The following PHLDB3 variants were observed in gnomAD, a reference collection of about 807,000 sequenced individuals.
PHLDB3 encodes pleckstrin homology-like domain family B member 3.
A neutral mutation model predicts 85.7 loss-of-function variants in PHLDB3; 86 were observed. That is an observed-to-expected ratio of 1.00 (90% CI 0.84 to 1.20). PHLDB3 has a LOEUF of 1.20. Among genes scored for constraint, PHLDB3 ranks in the 50% most tolerant of loss-of-function variants. The probability of loss-of-function intolerance (pLI) is 0.00; values close to 1 mark genes in which losing one functional copy is unlikely to be tolerated. For synonymous variants in PHLDB3, 376 were observed against 349.8 expected (o/e 1.07, Z -0.83); for missense variants, 995 against 873.0 (o/e 1.14, Z -1.76).
chr19:43,496,325 A>T (rs1357139897), intron 6 of PHLDB3: 1 of 152,050 alleles, frequency 6.6e-6, no homozygotes, highest in Admixed American at 6.6e-5. Flanking sequence ...GAGCTTTCTA[A>T]TCCAAAACTT....
intron 9 of PHLDB3, among the ~76,000 whole-genome samples, chr19:43,489,345 C>A (rs953366639): frequency 6.8e-6 from 1 of 147,540 alleles, no homozygotes; most frequent in Non-Finnish European, 1.5e-5. Context: ...CCAGCCTGGG[C>A]GACAGTGAGA....
chr19:43,490,285 A>T (rs965168901), intron 9 of PHLDB3, among the ~76,000 whole-genome samples: 3 of 152,088 alleles, frequency 2.0e-5, no homozygotes, highest in Non-Finnish European at 4.4e-5. Flanking sequence ...TGGGCCAGGC[A>T]TGAAGGCTCA....
Position 43,475,479 on chromosome 19 carries a change from C to T in PHLDB3, c.1854G>A (p.Pro618=), listed in dbSNP as rs1272640783. ...TCCAAATGCGCATGGCTTCGGGGCT[C>T]GGAGCCACCATGTAGAAAAGGCGTT... is the stretch of plus-strand genomic sequence containing the variant. ...TYERLFYMVA[P]SPEAMRIWMD... is the part of the protein sequence containing the mutation. Residue 618 remains proline (P), a synonymous_variant, in exon 16 of 16, where the codon CCG becomes CCA. Coordinates refer to ENST00000292140, the MANE Select transcript of PHLDB3 (RefSeq NM_198850.4). The T allele has an allele frequency of 1.2e-6, 2 of 1,613,818 alleles. No homozygotes were observed. Among genetic ancestry groups the T allele is most frequent in the East Asian group, 2.2e-5 (1 of 44,864 alleles).
chr19:43,486,489 G>A (rs1971160603), intron 12 of PHLDB3, 120 bp downstream of exon 12: 3 of 1,330,114 alleles, frequency 2.3e-6, no homozygotes, highest in African/African-American at 1.5e-5. Context: ...GTCTGAGGGT[G>A]GAGGGGCTGG....
Position 43,501,796 on chromosome 19 carries a change from G to T in PHLDB3, c.472C>A (p.Leu158Met), listed in dbSNP as rs773676224. 3.1e-6 allele frequency: 5 copies of T among 1,587,824 alleles called. No individual in the cohort carries two copies. The highest frequency in any genetic ancestry group is 3.4e-6 in the Non-Finnish European group (4 of 1,168,876). The change falls in exon 4 of 16, where the codon CTG becomes ATG. Residue 158 changes from leucine (L) to methionine (M), a missense_variant. Leu to Met is a conservative substitution (Grantham distance 15, BLOSUM62 2). Transcript: ENST00000292140. ...RVAARREEEQ[L>M]RELLEQQAAS... ...GCCTGCTGCTCCAGCAGCTCCCGCAGCTGCTCCTCCTCCCGGCGAGCGGCC... is the reference window on the plus strand; with the variant it reads ...GCCTGCTGCTCCAGCAGCTCCCGCATCTGCTCCTCCTCCCGGCGAGCGGCC...
intron 14 of PHLDB3, among the ~76,000 whole-genome samples, chr19:43,478,962 G>A (rs1599931334): frequency 6.6e-6 from 1 of 152,054 alleles, no homozygotes; most frequent in Non-Finnish European, 1.5e-5. Context: ...TCCAAGGAGA[G>A]GTTTGGAATA....
At position 43,475,531 on chromosome 19, in the gene PHLDB3, C is replaced by T; in HGVS notation, c.1802G>A (p.Arg601His). Residue 601 changes from arginine (R) to histidine (H), a missense_variant, in exon 16 of 16, where the codon CGC becomes CAC. Arg to His is a conservative substitution (Grantham distance 29, BLOSUM62 0). Transcript: ENST00000292140. ...GTAGGTTTTGACGCAGAAGGTCAGGCGGGGGTTGGGGCTCTGGAATAAGCA... is the reference window on the plus strand; with the variant it reads ...GTAGGTTTTGACGCAGAAGGTCAGGTGGGGGTTGGGGCTCTGGAATAAGCA... ...LRCAFKSPNP[R>H]LTFCVKTYER... The T allele has an allele frequency of 6.2e-7, 1 of 1,613,808 alleles. No homozygotes were observed. Among genetic ancestry groups the T allele is most frequent in the Non-Finnish European group, 8.5e-7 (1 of 1,179,824 alleles).
chr19:43,503,477 AT>A (rs905518779), intron 2 of PHLDB3, among the ~76,000 whole-genome samples: 17 of 148,612 alleles, frequency 1.1e-4, no homozygotes, highest in African/African-American at 3.5e-4. Flanking sequence ...CAATTTTTGT[AT>A]TTTTTTTTTC....
At chr19:43,496,827 A>G (rs1482362626) in intron 6 of PHLDB3, 6 of 411,884 alleles carry the variant, frequency 1.5e-5, no homozygotes, top group Non-Finnish European at 2.5e-5. Flanking sequence ...AAACTTGGAA[A>G]AGATTACTTA....
In PHLDB3 at chr19:43,504,031, C is replaced by G. The variant is rs1362475970; in HGVS notation, c.88G>C (p.Glu30Gln). 1.2e-6 allele frequency: 2 copies of G among 1,613,906 alleles called. No homozygotes were observed. Among genetic ancestry groups the G allele is most frequent in the Non-Finnish European group, 1.7e-6 (2 of 1,179,798 alleles). Residue 30 changes from glutamate (E) to glutamine (Q), a missense_variant, in exon 2 of 16, where the codon GAG becomes CAG. Physicochemically the swap from Glu to Gln is conservative, Grantham distance 29. Transcript: ENST00000292140. Reference sequence around the variant, plus strand: ...GATGCCTCCTGTTCCCGGGACTCCTCGGGATGGCCCTGGGGCTGGACCTCC... The same window carrying G: ...GATGCCTCCTGTTCCCGGGACTCCTGGGGATGGCCCTGGGGCTGGACCTCC... ...DVEVQPQGHP[E>Q]ESREQEASEV...
intron 1 of PHLDB3, 61 bp from the exon 2 acceptor site, chr19:43,504,193 C>A: frequency 4.9e-6 from 7 of 1,434,378 alleles, no homozygotes; most frequent in Non-Finnish European, 6.5e-6. Flanking sequence ...GAGCGCCGCT[C>A]GCGTCTGCTC....
At chr19:43,500,483 T>C (rs1971562069) in intron 4 of PHLDB3, among the ~76,000 whole-genome samples, 1 of 151,924 alleles carries the variant, frequency 6.6e-6, no homozygotes, top group Admixed American at 6.6e-5. Context: ...ACACAGCGGG[T>C]AGGAACCACC....
chr19:43,475,434 G>T lies in PHLDB3; in HGVS notation c.1899C>A (p.Ala633=). The T allele has an allele frequency of 6.2e-7, 1 of 1,613,970 alleles. No homozygotes were observed. Among genetic ancestry groups the T allele is most frequent in the East Asian group, 2.2e-5 (1 of 44,858 alleles). ...MRIWMDVIVT[A]ADENHAP ...CTCAGGGGGCGTGGTTTTCGTCAGC[G>T]GCGGTCACGATGACGTCCATCCAAA... Residue 633 remains alanine, a synonymous_variant, in exon 16 of 16, where the codon GCC becomes GCA. Coordinates refer to ENST00000292140, the MANE Select transcript of PHLDB3 (RefSeq NM_198850.4).
At chr19:43,499,769 C>T (rs1599958845) in intron 4 of PHLDB3, among the ~76,000 whole-genome samples, 1 of 151,970 alleles carries the variant, frequency 6.6e-6, no homozygotes, top group African/African-American at 2.4e-5. Context: ...GTTCTGCTCC[C>T]GTTGCCCAGG....
rs2682549 is a variant in PHLDB3 at position 43,497,739 on chromosome 19, T to C, written c.663+9A>G. On this transcript the variant is annotated intron_variant, in intron 5 of 15. Coordinates refer to ENST00000292140, the MANE Select transcript of PHLDB3 (RefSeq NM_198850.4). ...AAAAAACAAAAAAGAAAGAACCAGA[T>C]GCCATTACCTCCTGCACACCCTGCA... 0.62 allele frequency: 954,379 copies of C among 1,549,560 alleles called. 295,118 individuals carry two copies. The highest frequency in any genetic ancestry group is 0.69 in the African/African-American group (50,395 of 72,948).
chr19:43,494,589 A>G, intron 9 of PHLDB3, 113 bp downstream of exon 9: 1 of 831,262 alleles, frequency 1.2e-6, no homozygotes, highest in Non-Finnish European at 1.9e-6. Flanking sequence ...GGCCCCATAC[A>G]GAAAATCAGA....
chr19:43,487,826 A>G (rs940486415), intron 9 of PHLDB3, among the ~76,000 whole-genome samples: 1 of 152,038 alleles, frequency 6.6e-6, no homozygotes, highest in Non-Finnish European at 1.5e-5. Context: ...TTGTATAGGG[A>G]CGTGAATTAT....
chr19:43,487,764 G>T (rs965734364), intron 9 of PHLDB3, among the ~76,000 whole-genome samples: 1 of 151,860 alleles, frequency 6.6e-6, no homozygotes, highest in Non-Finnish European at 1.5e-5. Context: ...TAATGTTTGC[G>T]CAACGTTGAA....
chr19:43,497,533 GA>G (rs972403539), intron 5 of PHLDB3, among the ~76,000 whole-genome samples: 1 of 152,068 alleles, frequency 6.6e-6, no homozygotes, highest in Non-Finnish European at 1.5e-5. Flanking sequence ...CCAAAATAGT[GA>G]AACCCCGTCT....
Sources: allele counts gnomAD v4.1 joint callset (sites outside exome capture counted in the v4.1 genomes callset), GRCh38; gene constraint gnomAD v4.1.1; transcripts MANE v1.5; gene names NCBI Gene and HGNC (gene_info 2026-07-23, HGNC 2026-07-21).